GRAMD4: variants seen among roughly 807,000 people sequenced by gnomAD.
The protein encoded by GRAMD4 is GRAM domain-containing protein 4.
GRAMD4 carries 25 observed loss-of-function variants against 83.9 expected under a neutral mutation model. The observed-to-expected ratio is 0.30, with a 90% CI of 0.22 to 0.42. The LOEUF (loss-of-function observed/expected upper bound fraction) is 0.42. GRAMD4 is among the 10% of genes least tolerant of loss of function. The pLI, the probability that GRAMD4 is intolerant of heterozygous loss-of-function variation, is 1.00. For missense variants in GRAMD4, 593 were observed against 788.7 expected, an observed-to-expected ratio of 0.75 and a Z score of 2.97; for synonymous variants, 336 against 320.9, an observed-to-expected ratio of 1.05 and a Z score of -0.50.
chr22:46,661,606 G>T (rs939526091), intron 5 of GRAMD4, among the ~76,000 whole-genome samples, 164 bp downstream of exon 5: 2 of 152,246 alleles, frequency 1.3e-5, no homozygotes, highest in African/African-American at 4.8e-5. Flanking sequence ...GCTGGCATCC[G>T]GGAATCTCCT....
chr22:46,620,093 C>T (rs1411013846), upstream of GRAMD4, among the ~76,000 whole-genome samples: 8 of 150,630 alleles, frequency 5.3e-5, no homozygotes, highest in Non-Finnish European at 1.0e-4. The surrounding 1 kb of genome is among the most constrained non-coding windows in gnomAD (Gnocchi z 4.7). Context: ...CGGCTCAGGG[C>T]AAGCGCCAGA....
chr22:46,608,348 T>G (rs1406890179), intron 1 of GRAMD4, among the ~76,000 whole-genome samples: 2 of 152,182 alleles, frequency 1.3e-5, no homozygotes, highest in East Asian at 3.8e-4. Context: ...GCAACAGGTG[T>G]GAAGTGGACC....
At chr22:46,669,184 A>T (rs1182258443) in intron 13 of GRAMD4, among the ~76,000 whole-genome samples, 1 of 152,162 alleles carries the variant, frequency 6.6e-6, no homozygotes. Flanking sequence ...CCAGGATAGC[A>T]GGACTTGGGG....
chr22:46,635,205 G>A (rs369633468), intron 2 of GRAMD4, among the ~76,000 whole-genome samples: 76 of 92,512 alleles, frequency 8.2e-4, no homozygotes, highest in Middle Eastern at 8.8e-3. Flanking sequence ...CCCCGCCCCC[G>A]GCCACTCCTG....
At chr22:46,586,322 C>A (rs1457028753) in intron 1 of GRAMD4, among the ~76,000 whole-genome samples, 1 of 152,196 alleles carries the variant, frequency 6.6e-6, no homozygotes, top group Non-Finnish European at 1.5e-5. Flanking sequence ...CCCACTGGCG[C>A]CTCCCTGCTT....
Position 46,626,940 on chromosome 22 carries a change from C to A in GRAMD4, c.141C>A (p.Asp47Glu), listed in dbSNP as rs367756638. 3.7e-6 allele frequency: 6 copies of A among 1,613,460 alleles called. No homozygotes were observed. In the African/African-American group the frequency reaches 6.7e-5, roughly 18 times the overall value. ...PLKVPRTSPR[D>E]SEELRDPAGP... Reference sequence around the variant, plus strand: ...AGGTACCGCGGACCTCGCCCCGGGACAGCGAGGAGCTGAGGGACCCTGTGA... The same window carrying A: ...AGGTACCGCGGACCTCGCCCCGGGAAAGCGAGGAGCTGAGGGACCCTGTGA... The change falls in exon 2 of 19, where the codon GAC becomes GAA. Residue 47 changes from aspartate to glutamate, a missense_variant. By Grantham distance (45) the Asp-to-Glu change is conservative. Transcript: ENST00000406902.
rs113870955 is a variant in GRAMD4, at chr22:46,610,680, A to G, written c.-49-16071A>G. Among the ~76,000 whole-genome samples the G allele has an allele frequency of 8.0e-3, 1,219 of 152,366 alleles. 19 individuals are homozygous for G. Among genetic ancestry groups the G allele is most frequent in the African/African-American group, 0.028 (1,172 of 41,582 alleles). On this transcript the variant is annotated intron_variant, in intron 1 of 1. Transcript: ENST00000431155. ...ATTGGGCAAGGGCAGTGGCAGGAAG[A>G]CATGGCGAATCTGGGGAATCCAGAA...
intron 8 of GRAMD4, among the ~76,000 whole-genome samples, chr22:46,664,864 C>T (rs2082384789): frequency 6.6e-6 from 1 of 152,258 alleles, no homozygotes; most frequent in South Asian, 2.1e-4. Flanking sequence ...CCCAGATGAC[C>T]TCAGCCTGGG....
chr22:46,656,380 G>A lies in GRAMD4; in HGVS notation c.284-1807G>A, dbSNP rs184420089. 2.6e-4 allele frequency among the ~76,000 whole-genome samples: 40 copies of A among 152,336 alleles called. 1 individual carries two copies. The East Asian group carries it at 6.8e-3, about 26-fold the overall frequency. ...TGGCTGCCGGGCAGGAAGGTGTGCT[G>A]ACCTTTGGCTTCTGGGTTTACTGAC... On this transcript the variant is annotated intron_variant, in intron 3 of 18. Transcript: ENST00000406902.
intron 2 of GRAMD4, among the ~76,000 whole-genome samples, chr22:46,635,504 C>CG (rs2081860737): frequency 1.0e-4 from 1 of 9,568 alleles, no homozygotes; most frequent in Non-Finnish European, 1.7e-4. Context: ...CTGGGAGGCC[C>CG]TATCCTCCCT....
intron 1 of GRAMD4, among the ~76,000 whole-genome samples, chr22:46,594,425 G>A (rs2081240879): frequency 6.6e-6 from 1 of 152,198 alleles, no homozygotes; most frequent in African/African-American, 2.4e-5. Context: ...GCACATGGGT[G>A]TGAGGGGCCA....
chr22:46,682,339 C>T (rs893612389), downstream of GRAMD4: 3 of 713,242 alleles, frequency 4.2e-6, no homozygotes, highest in African/African-American at 3.8e-5. Context: ...GGACCATGCA[C>T]GATTGTAAAG....
chr22:46,576,010 G>A (rs5768980), upstream of GRAMD4: 108,225 of 152,966 alleles, frequency 0.71, 38,666 homozygotes, highest in East Asian at 0.91. Flanking sequence ...ACAGAAGGAA[G>A]TGGGGAGGGC....
At chr22:46,651,106 G>A (rs1285609712) in intron 3 of GRAMD4, among the ~76,000 whole-genome samples, 3 of 152,186 alleles carry the variant, frequency 2.0e-5, no homozygotes, top group Non-Finnish European at 2.9e-5. Context: ...ACAATGAGAC[G>A]GCTGATGTGC....
intron 2 of GRAMD4, among the ~76,000 whole-genome samples, chr22:46,629,642 T>C (rs1482249602): frequency 1.3e-5 from 2 of 152,194 alleles, no homozygotes; most frequent in South Asian, 2.1e-4. Context: ...TTATAACAGC[T>C]TAATCGAGAT....
Position 46,672,094 on chromosome 22 carries a change from G to C in GRAMD4, c.1085-749G>C, listed in dbSNP as rs187789244. Among the ~76,000 whole-genome samples, 1 of 152,236 alleles carries C rather than the reference G, an allele frequency of 6.6e-6. No individual in the cohort carries two copies. The highest frequency in any genetic ancestry group is 1.9e-4 in the East Asian group (1 of 5,198). ...CTGGGAGGGGCACCCGGAGAGACCG[G>C]AACTCCTGACAGCTTTTGCTGCCCA... On this transcript the variant is annotated intron_variant, in intron 13 of 18. Transcript: ENST00000406902. This position sits in a 1 kb window ranked among gnomAD's most constrained non-coding sequence, Gnocchi z 4.7.
At chr22:46,612,799 T>C (rs1335937408) in intron 1 of GRAMD4, among the ~76,000 whole-genome samples, 1 of 152,262 alleles carries the variant, frequency 6.6e-6, no homozygotes, top group African/African-American at 2.4e-5. Flanking sequence ...GGACAAGCCG[T>C]GCTGGCCAGT....
upstream of GRAMD4, among the ~76,000 whole-genome samples, chr22:46,576,882 C>A (rs2081046536): frequency 6.8e-6 from 1 of 146,136 alleles, no homozygotes; most frequent in Non-Finnish European, 1.5e-5. Context: ...TGGGTGCGAG[C>A]GGCGGGGGCG....
intron 2 of GRAMD4, among the ~76,000 whole-genome samples, chr22:46,637,238 C>T (rs1281402222): frequency 1.3e-5 from 2 of 148,210 alleles, no homozygotes; most frequent in Admixed American, 1.4e-4. Flanking sequence ...AGAGACTTAG[C>T]GCCACTTATC....
Sources: allele counts gnomAD v4.1 joint callset (sites outside exome capture counted in the v4.1 genomes callset), GRCh38; gene constraint gnomAD v4.1.1; non-coding constraint Gnocchi (gnomAD v3.1); transcripts MANE v1.5; gene names NCBI Gene and HGNC (gene_info 2026-07-23, HGNC 2026-07-21).